The following MIS12 variants were observed in gnomAD, a reference collection of about 807,000 sequenced individuals.
The protein encoded by MIS12 is protein MIS12 homolog.
A neutral mutation model predicts 16.5 loss-of-function variants in MIS12; 13 were observed. That is an observed-to-expected ratio of 0.79 (90% CI 0.51 to 1.25). The LOEUF (loss-of-function observed/expected upper bound fraction) is 1.25. Among genes scored for constraint, MIS12 ranks in the 50% most tolerant of loss-of-function variants. MIS12 has a pLI of 0.00. For missense variants in MIS12, 199 were observed against 239.5 expected (o/e 0.83, Z 1.12); for synonymous variants, 97 against 87.3 (o/e 1.11, Z -0.62).
Position 5,489,624 on chromosome 17 carries a change from A to T in MIS12, c.*144A>T. On this transcript the variant is annotated 3_prime_UTR_variant, in exon 3 of 3. Coordinates refer to ENST00000611091, the MANE Select transcript of MIS12 (RefSeq NM_001258217.2). ...ATTTGCTTTGTCAACTCTTTCTTGTATTCTGTGTTTTCCTCTTTTTTGGTC... is the reference window on the plus strand; with the variant it reads ...ATTTGCTTTGTCAACTCTTTCTTGTTTTCTGTGTTTTCCTCTTTTTTGGTC... 1.0e-6 allele frequency: 1 copy of T among 984,192 alleles called. No homozygotes were observed. The allele number at this position is 984,192 out of a possible 1,614,324, so 61.0% of individuals were successfully genotyped here. A position where few individuals can be genotyped will look rare whatever the true frequency, so the allele number is the denominator to read the frequency against.
At position 5,489,607 on chromosome 17, in the gene MIS12, T is replaced by C. The variant is rs1388540545; in HGVS notation, c.*127T>C. The C allele has an allele frequency of 9.2e-7, 1 of 1,081,318 alleles. No individual in the cohort carries two copies. The highest frequency in any genetic ancestry group is 1.6e-5 in the African/African-American group (1 of 62,378). 67.0% of individuals were successfully genotyped at this position (1,081,318 alleles called of 1,614,324 possible). On this transcript the variant is annotated 3_prime_UTR_variant, in exon 3 of 3. Coordinates refer to ENST00000611091, the MANE Select transcript of MIS12 (RefSeq NM_001258217.2). The stretch of plus-strand genomic sequence containing the variant: ...ACCATACTTTTTATTAGATTTGCTT[T>C]GTCAACTCTTTCTTGTATTCTGTGT...
At chr17:5,488,654 G>C in intron 2 of MIS12, 65 bp downstream of exon 2, 2 of 405,132 alleles carry the variant, frequency 4.9e-6, no homozygotes, top group Non-Finnish European at 7.9e-6. Context: ...GAGCCTCAGA[G>C]AGGCAAAGAG....
Position 5,489,550 on chromosome 17 carries a change from T to C in MIS12, c.*70T>C. 1.4e-6 allele frequency: 2 copies of C among 1,462,782 alleles called. No homozygotes were observed. Among genetic ancestry groups the C allele is most frequent in the Non-Finnish European group, 1.8e-6 (2 of 1,091,320 alleles). 90.6% of individuals were successfully genotyped at this position (1,462,782 alleles called of 1,614,324 possible). A position where few individuals can be genotyped will look rare whatever the true frequency, so the allele number is the denominator to read the frequency against. On this transcript the variant is annotated 3_prime_UTR_variant, in exon 3 of 3. Transcript: ENST00000611091. ...TAAGGACTGTTCAAACCATAAGGAC[T>C]GTTCAAATCATACCAGTGACTGTTC...
In MIS12 at chr17:5,488,837, A is replaced by C; in HGVS notation, c.-26A>C. On this transcript the variant is annotated 5_prime_UTR_variant, in exon 3 of 3. Coordinates refer to ENST00000611091, the MANE Select transcript of MIS12 (RefSeq NM_001258217.2). ...TACATTTGCAGGTTTTTCACGACTG[A>C]AAACAACATAGCAAAATAAGCCAAG... 2 of 1,580,214 alleles carry C rather than the reference A, an allele frequency of 1.3e-6. No homozygotes were observed. The highest frequency in any genetic ancestry group is 1.7e-6 in the Non-Finnish European group (2 of 1,163,834).
chr17:5,488,662 G>C (rs989635180), intron 2 of MIS12, 73 bp downstream of exon 2: 1 of 560,352 alleles, frequency 1.8e-6, no homozygotes, highest in Middle Eastern at 4.8e-4. Flanking sequence ...GAGAGGCAAA[G>C]AGTTTATATC....
chr17:5,489,109 G>A lies in MIS12; in HGVS notation c.247G>A (p.Glu83Lys). The change falls in exon 3 of 3, where the codon GAG becomes AAG. Residue 83 changes from glutamate to lysine, a missense_variant. Glu to Lys is a moderately conservative substitution (Grantham distance 56, BLOSUM62 1). Transcript: ENST00000611091. ...GHFDNLFSKM[E>K]QLFLQLILRI... ...TTTTGATAACCTTTTTAGCAAAATG[G>A]AGCAACTGTTTTTGCAGCTGATTTT... 1 of 1,614,148 alleles carries A rather than the reference G, an allele frequency of 6.2e-7. No individual in the cohort carries two copies. Among genetic ancestry groups the A allele is most frequent in the Non-Finnish European group, 8.5e-7 (1 of 1,180,036 alleles).
intron 1 of MIS12, chr17:5,487,633 G>A (rs1485594915): frequency 6.6e-6 from 1 of 152,204 alleles, no homozygotes; most frequent in Non-Finnish European, 1.5e-5. Context: ...TCGGGTTCCA[G>A]TGATTCTCCT....
chr17:5,487,898 G>A (rs1906489383), intron 1 of MIS12, among the ~76,000 whole-genome samples: 2 of 152,242 alleles, frequency 1.3e-5, no homozygotes, highest in South Asian at 4.1e-4. Flanking sequence ...ACTGCTTATT[G>A]CAAATTATTT....
chr17:5,486,860 G>A (rs1263408714), intron 1 of MIS12, 176 bp downstream of exon 1: 5 of 152,510 alleles, frequency 3.3e-5, no homozygotes, highest in African/African-American at 7.2e-5. Flanking sequence ...GAGCCGGCCG[G>A]AAGCAGTTCC....
rs962701373 is a variant in MIS12, at chr17:5,489,934, A to G, written c.*454A>G. On this transcript the variant is annotated 3_prime_UTR_variant, in exon 3 of 3. Transcript: ENST00000611091. Reference sequence around the variant, plus strand: ...GGTTAGAGTAGATTTCAGTGGCACAATCTTGGCTCACTGCAACCTCTGTGT... The same window carrying G: ...GGTTAGAGTAGATTTCAGTGGCACAGTCTTGGCTCACTGCAACCTCTGTGT... 1 of 167,594 alleles carries G rather than the reference A, an allele frequency of 6.0e-6. No individual in the cohort carries two copies. Among genetic ancestry groups the G allele is most frequent in the Non-Finnish European group, 1.5e-5 (1 of 68,670 alleles). 10.4% of individuals were successfully genotyped at this position (167,594 alleles called of 1,614,324 possible).
intron 1 of MIS12, chr17:5,487,303 G>A (rs2151716602): frequency 6.6e-6 from 1 of 152,116 alleles, no homozygotes; most frequent in East Asian, 2.0e-4. Flanking sequence ...AGGCATGGTG[G>A]CCTGCACCTG....
In MIS12 at chr17:5,488,930, G is replaced by A. The variant is rs768369437; in HGVS notation, c.68G>A (p.Arg23Gln). Residue 23 changes from arginine to glutamine, a missense_variant, in exon 3 of 3, where the codon CGG becomes CAG. By Grantham distance (43) the Arg-to-Gln change is conservative. Transcript: ENST00000611091. ...TTCACGCCACAAACGTGCATGCTTC[G>A]GATCTACATTGCATTTCAAGACTAC... ...FGFTPQTCML[R>Q]IYIAFQDYLF... The A allele has an allele frequency of 1.9e-5, 30 of 1,613,944 alleles. No homozygotes were observed. Among genetic ancestry groups the A allele is most frequent in the South Asian group, 3.3e-5 (3 of 91,058 alleles).
chr17:5,489,199 G>T lies in MIS12; in HGVS notation c.337G>T (p.Asp113Tyr), dbSNP rs771457555. The change falls in exon 3 of 3, where the codon GAT becomes TAT. Residue 113 changes from aspartate to tyrosine, a missense_variant. Asp to Tyr is a radical substitution (Grantham distance 160). Transcript: ENST00000611091. The stretch of plus-strand genomic sequence containing the variant: ...TAAGGAGACACCTTATAGTGAGGAA[G>T]ATTTTCAGCATCTCCAGAAAGAAAT... ...KCKETPYSEE[D>Y]FQHLQKEIEQ... 6.2e-7 allele frequency: 1 copy of T among 1,614,088 alleles called. No homozygotes were observed. The highest frequency in any genetic ancestry group is 8.5e-7 in the Non-Finnish European group (1 of 1,180,054).
At position 5,490,693 on chromosome 17, in the gene MIS12, C is replaced by G. The variant is rs1291756860; in HGVS notation, c.*1213C>G. The G allele has an allele frequency of 6.0e-6, 1 of 167,000 alleles. No homozygotes were observed. The highest frequency in any genetic ancestry group is 1.5e-5 in the Non-Finnish European group (1 of 68,100). The allele number at this position is 167,000 out of a possible 1,614,324, so 10.3% of individuals were successfully genotyped here. On this transcript the variant is annotated 3_prime_UTR_variant, in exon 3 of 3. Coordinates refer to ENST00000611091, the MANE Select transcript of MIS12 (RefSeq NM_001258217.2). Reference sequence around the variant, plus strand: ...TCTCCTTTATGTAGAGAAGAAGTAACTTAGGGTGTATTTGCAATGAAATAT... The same window carrying G: ...TCTCCTTTATGTAGAGAAGAAGTAAGTTAGGGTGTATTTGCAATGAAATAT...
Position 5,490,716 on chromosome 17 carries a change from TATTC to T in MIS12, c.*1239_*1242del, listed in dbSNP as rs1567618940. Reference sequence around the variant, plus strand: ...AACTTAGGGTGTATTTGCAATGAAATATTCATAGATATTGAAAGCTTGTGTTTAC... The same window carrying T: ...AACTTAGGGTGTATTTGCAATGAAATATAGATATTGAAAGCTTGTGTTTAC... On this transcript the variant is annotated 3_prime_UTR_variant, in exon 3 of 3. Transcript: ENST00000611091. The T allele has an allele frequency of 6.0e-6, 1 of 167,240 alleles. No homozygotes were observed. The highest frequency in any genetic ancestry group is 1.9e-4 in the East Asian group (1 of 5,198). The allele number at this position is 167,240 out of a possible 1,614,324, so 10.4% of individuals were successfully genotyped here.
rs1001858131 is a variant in MIS12 at position 5,489,326 on chromosome 17, C to T, written c.464C>T (p.Thr155Met). ...QKIVQAKLKQ[T>M]LTFFDELHNV... Reference sequence around the variant, plus strand: ...ATTGTTCAGGCCAAACTCAAACAGACGTTGACTTTCTTTGATGAGCTTCAT... The same window carrying T: ...ATTGTTCAGGCCAAACTCAAACAGATGTTGACTTTCTTTGATGAGCTTCAT... The change falls in exon 3 of 3, where the codon ACG (threonine) becomes ATG (methionine). Residue 155 changes from threonine to methionine, a missense_variant. Transcript: ENST00000611091. The T allele has an allele frequency of 1.5e-4, 246 of 1,613,852 alleles. No homozygotes were observed. The highest frequency in any genetic ancestry group is 2.0e-4 in the Non-Finnish European group (236 of 1,180,046).
Position 5,489,372 on chromosome 17 carries a change from G to C in MIS12, c.510G>C (p.Gly170=), listed in dbSNP as rs1027198309. 1.2e-5 allele frequency: 19 copies of C among 1,613,964 alleles called. No individual in the cohort carries two copies. The highest frequency in any genetic ancestry group is 1.5e-5 in the Non-Finnish European group (18 of 1,180,034). The stretch of plus-strand genomic sequence containing the variant: ...TTCATAATGTTGGCAGAGATCATGG[G>C]ACTAGTGATTTTAGGGAGAGTTTAG... ...DELHNVGRDH[G]TSDFRESLVS... Residue 170 remains glycine, a synonymous_variant, in exon 3 of 3, where the codon GGG becomes GGC. Coordinates refer to ENST00000611091, the MANE Select transcript of MIS12 (RefSeq NM_001258217.2).
In MIS12 at chr17:5,489,429, G is replaced by A; in HGVS notation, c.567G>A (p.Gln189=). ...TGGTTCAGAACTCCAGAAAACTACAGAACATTAGAGACAATGTGGAAAAGG... is the reference window on the plus strand; with the variant it reads ...TGGTTCAGAACTCCAGAAAACTACAAAACATTAGAGACAATGTGGAAAAGG... ...VSLVQNSRKL[Q]NIRDNVEKES... The change falls in exon 3 of 3, where the codon CAG becomes CAA. Residue 189 remains glutamine, a synonymous_variant. Transcript: ENST00000611091. The A allele has an allele frequency of 1.2e-6, 2 of 1,602,200 alleles. No homozygotes were observed. The highest frequency in any genetic ancestry group is 1.7e-6 in the Non-Finnish European group (2 of 1,177,070).
Position 5,488,979 on chromosome 17 carries a change from T to C in MIS12, c.117T>C (p.Val39=). The part of the protein sequence containing the change: ...QDYLFEVMQA[V]EQVILKKLDG... ...ACCTATTTGAAGTGATGCAGGCCGT[T>C]GAACAGGTTATTCTGAAGAAGCTGG... The change falls in exon 3 of 3, where the codon GTT becomes GTC. Residue 39 remains valine (V), a synonymous_variant. Coordinates refer to ENST00000611091, the MANE Select transcript of MIS12 (RefSeq NM_001258217.2). 1 of 1,614,238 alleles carries C rather than the reference T, an allele frequency of 6.2e-7. No homozygotes were observed. Among genetic ancestry groups the C allele is most frequent in the Non-Finnish European group, 8.5e-7 (1 of 1,180,052 alleles).
Sources: allele counts gnomAD v4.1 joint callset (sites outside exome capture counted in the v4.1 genomes callset), GRCh38; gene constraint gnomAD v4.1.1; transcripts MANE v1.5; gene names NCBI Gene and HGNC (gene_info 2026-07-23, HGNC 2026-07-21).